Variants in AUTS2 observed in about 807,000 individuals in gnomAD.
The protein encoded by AUTS2 is autism susceptibility gene 2 protein.
A neutral mutation model predicts 112.4 loss-of-function variants in AUTS2; 17 were observed. The observed-to-expected ratio is 0.15, with a 90% confidence interval of 0.10 to 0.23. The LOEUF (loss-of-function observed/expected upper bound fraction) is 0.23, where lower values mean the gene tolerates loss of function less well. Ranked by LOEUF, AUTS2 falls within the 10% of genes least tolerant of loss-of-function variation. The pLI, the probability that AUTS2 is intolerant of heterozygous loss-of-function variation, is 1.00. For synonymous variants in AUTS2, 751 were observed against 702.7 expected, an observed-to-expected ratio of 1.07 and a Z score of -1.09; for missense variants, 1,510 against 1,701.6, an observed-to-expected ratio of 0.89 and a Z score of 1.98.
intron 4 of AUTS2, among the ~76,000 whole-genome samples, chr7:70,364,866 A>AT (rs1187402298): frequency 3.9e-5 from 6 of 152,100 alleles, no homozygotes; most frequent in African/African-American, 1.2e-4. Context: ...GAAATAAAAT[A>AT]TTTTTTATTT....
chr7:70,786,711 G>A (rs993050197), intron 17 of AUTS2, among the ~76,000 whole-genome samples: 2 of 152,178 alleles, frequency 1.3e-5, no homozygotes, highest in African/African-American at 2.4e-5. Context: ...TACCGTCACA[G>A]GTCGGTCTTT....
At chr7:70,268,918 C>G (rs936368531) in intron 4 of AUTS2, among the ~76,000 whole-genome samples, 1 of 151,986 alleles carries the variant, frequency 6.6e-6, no homozygotes, top group Non-Finnish European at 1.5e-5. Context: ...AATACCTGAA[C>G]CTATTAATAG....
intron 2 of AUTS2, among the ~76,000 whole-genome samples, chr7:70,033,741 C>A (rs1326506985): frequency 6.6e-6 from 1 of 151,992 alleles, no homozygotes; most frequent in Non-Finnish European, 1.5e-5. Context: ...ACACAGCTCA[C>A]TCATATGTGG....
intron 1 of AUTS2, among the ~76,000 whole-genome samples, chr7:69,627,741 C>G (rs565805903): frequency 7.9e-4 from 120 of 152,040 alleles, no homozygotes; most frequent in Admixed American, 2.4e-3. Context: ...GTAGAAGCCC[C>G]ATTACTTGGG....
chr7:70,196,055 AC>A (rs1161433990), intron 4 of AUTS2, among the ~76,000 whole-genome samples: 1 of 152,226 alleles, frequency 6.6e-6, no homozygotes, highest in African/African-American at 2.4e-5. Context: ...AGGAATTTAT[AC>A]TTTGTCTCTT....
intron 2 of AUTS2, among the ~76,000 whole-genome samples, chr7:70,089,712 T>C (rs1160085486): frequency 6.6e-6 from 1 of 152,096 alleles, no homozygotes; most frequent in Non-Finnish European, 1.5e-5. Flanking sequence ...TAAAAATCAG[T>C]TGAGTATTTT....
chr7:70,462,884 G>C (rs962379718), intron 5 of AUTS2, among the ~76,000 whole-genome samples: 3 of 152,158 alleles, frequency 2.0e-5, no homozygotes, highest in Non-Finnish European at 4.4e-5. Context: ...CTTGAACCCG[G>C]GAAGCGGAGA....
At chr7:69,745,960 A>G (rs1045415099) in intron 1 of AUTS2, among the ~76,000 whole-genome samples, 3 of 152,086 alleles carry the variant, frequency 2.0e-5, no homozygotes, top group African/African-American at 7.2e-5. Context: ...TGCAGCCTTG[A>G]GCTCCTGGGC....
At chr7:70,609,678 C>G (rs1190738035) in intron 5 of AUTS2, among the ~76,000 whole-genome samples, 1 of 151,910 alleles carries the variant, frequency 6.6e-6, no homozygotes, top group Non-Finnish European at 1.5e-5. Flanking sequence ...CTGCCCACCT[C>G]TGCCTCCCAA....
chr7:69,810,475 T>TA lies in AUTS2; in HGVS notation c.310-88798dup, dbSNP rs879573433. Among the ~76,000 whole-genome samples the TA allele has an allele frequency of 8.0e-3, 1,144 of 142,700 alleles. 14 individuals carry two copies. Among genetic ancestry groups the TA allele is most frequent in the African/African-American group, 0.026 (1,012 of 39,066 alleles). The allele number at this position is 142,700 out of a possible 152,430, so 93.6% of individuals were successfully genotyped here. A position where few individuals can be genotyped will look rare whatever the true frequency, so the allele number is the denominator to read the frequency against. On this transcript the variant is annotated intron_variant, in intron 1 of 18. Transcript: ENST00000342771. ...CCTTGGCACACAGTAGTTGTTTAAT[T>TA]AAAAAAAAAAAAAGATCCTTGTCTC... is the stretch of plus-strand genomic sequence containing the variant.
intron 1 of AUTS2, among the ~76,000 whole-genome samples, chr7:69,679,677 A>T (rs1006561404): frequency 3.3e-5 from 5 of 152,232 alleles, no homozygotes; most frequent in African/African-American, 1.2e-4. Flanking sequence ...CAGGAAAGAG[A>T]AGACTGTGTG....
intron 1 of AUTS2, among the ~76,000 whole-genome samples, chr7:69,602,936 C>T (rs193056236): frequency 1.6e-4 from 24 of 152,268 alleles, no homozygotes; most frequent in Non-Finnish European, 2.1e-4. Context: ...TCTATTCAGT[C>T]TGGAAGATTT....
chr7:70,622,280 A>G (rs1287629425), intron 5 of AUTS2, among the ~76,000 whole-genome samples: 4 of 151,966 alleles, frequency 2.6e-5, no homozygotes, highest in Non-Finnish European at 4.4e-5. Flanking sequence ...TCTTTGACTT[A>G]TATTCTCTCC....
chr7:69,895,127 A>G (rs1220368954), intron 1 of AUTS2, among the ~76,000 whole-genome samples: 1 of 152,078 alleles, frequency 6.6e-6, no homozygotes, highest in African/African-American at 2.4e-5. Flanking sequence ...TATATTTACA[A>G]ACAATTACAC....
intron 5 of AUTS2, among the ~76,000 whole-genome samples, chr7:70,613,770 AATCAGAAC>A (rs1356025653): frequency 1.3e-5 from 2 of 152,222 alleles, no homozygotes; most frequent in Non-Finnish European, 2.9e-5. Context: ...AAGAGAAATT[AATCAGAAC>A]ATGATCCCTG....
At chr7:70,239,025 A>C (rs2129599459) in intron 4 of AUTS2, among the ~76,000 whole-genome samples, 1 of 152,302 alleles carries the variant, frequency 6.6e-6, no homozygotes, top group East Asian at 1.9e-4. Flanking sequence ...TGTAATAGAG[A>C]TGCCTGAGCA....
rs1035280459 is a variant in AUTS2 at position 70,134,676 on chromosome 7, C to T, written c.660+105C>T. 9.2e-6 allele frequency: 10 copies of T among 1,090,848 alleles called. No homozygotes were observed. The Admixed American group carries it at 1.0e-4, about 11-fold the overall frequency. The allele number at this position is 1,090,848 out of a possible 1,614,324, so 67.6% of individuals were successfully genotyped here. A position where few individuals can be genotyped will look rare whatever the true frequency, so the allele number is the denominator to read the frequency against. ...AAAAAAAATCTGAGAATTTCTCTCTCAGTCCTAAAGAGCAGACTGATTTCC... is the reference window on the plus strand; with the variant it reads ...AAAAAAAATCTGAGAATTTCTCTCTTAGTCCTAAAGAGCAGACTGATTTCC... On this transcript the variant is annotated intron_variant, in intron 4 of 18. Coordinates refer to ENST00000342771, the MANE Select transcript of AUTS2 (RefSeq NM_015570.4).
At chr7:70,225,807 T>TA (rs1202687702) in intron 4 of AUTS2, among the ~76,000 whole-genome samples, 1 of 152,220 alleles carries the variant, frequency 6.6e-6, no homozygotes, top group African/African-American at 2.4e-5. Flanking sequence ...AGTACCAATG[T>TA]AACATGGCTG....
At chr7:69,841,179 G>T (rs1282380605) in intron 1 of AUTS2, among the ~76,000 whole-genome samples, 3 of 152,142 alleles carry the variant, frequency 2.0e-5, no homozygotes, top group Non-Finnish European at 2.9e-5. Context: ...GGCTGTTCTT[G>T]CATGGCTATA....
Sources: allele counts gnomAD v4.1 joint callset (sites outside exome capture counted in the v4.1 genomes callset), GRCh38; gene constraint gnomAD v4.1.1; transcripts MANE v1.5; gene names NCBI Gene and HGNC (gene_info 2026-07-23, HGNC 2026-07-21).